The following TRIM33 variants were observed in gnomAD, a reference collection of about 807,000 sequenced individuals.
The protein encoded by TRIM33 is tripartite motif containing 33, also known as E3 ubiquitin-protein ligase TRIM33.
TRIM33 carries 20 observed loss-of-function variants against 125.4 expected under a neutral mutation model. That is an observed-to-expected ratio of 0.16 (90% CI 0.11 to 0.23). TRIM33 has a LOEUF of 0.23. Ranked by LOEUF, TRIM33 falls within the 10% of genes least tolerant of loss-of-function variation. The probability of loss-of-function intolerance (pLI) is 1.00; values close to 1 mark genes in which losing one functional copy is unlikely to be tolerated. For synonymous variants in TRIM33, 564 were observed against 513.9 expected, an observed-to-expected ratio of 1.10 and a Z score of -1.32; for missense variants, 920 against 1,411.4, an observed-to-expected ratio of 0.65 and a Z score of 5.58.
Position 114,510,909 on chromosome 1 carries a change from CTCAGCGCCGGCCCTGCCGCCT to C in TRIM33, c.147_167del (p.Arg52_Gly58del). ...CGTCGTCGGGCCCGGCCGCGCCGCCCTCAGCGCCGGCCCTGCCGCCTTCCTCCTCCTCCTCCTCCACCAGCA... is the reference window on the plus strand; with the variant it reads ...CGTCGTCGGGCCCGGCCGCGCCGCCCTCCTCCTCCTCCTCCTCCACCAGCA... On this transcript the variant is annotated inframe_deletion, in exon 1 of 20. Transcript: ENST00000358465. 1 of 1,423,094 alleles carries C rather than the reference CTCAGCGCCGGCCCTGCCGCCT, an allele frequency of 7.0e-7. No individual in the cohort carries two copies. The highest frequency in any genetic ancestry group is 9.1e-7 in the Non-Finnish European group (1 of 1,095,158). The allele number at this position is 1,423,094 out of a possible 1,614,324, so 88.2% of individuals were successfully genotyped here.
In TRIM33 at chr1:114,405,457, C is replaced by T. The variant is rs774643169; in HGVS notation, c.2721G>A (p.Lys907=). ...GDLLCCEKCP[K]VFHLTCHVPT... ...GAACATGACAAGTTAGATGAAAGAC[C>T]TTTGGACATTTTTCGCAGCACAAGA... Residue 907 remains lysine (K), a synonymous_variant, in exon 15 of 20, where the codon AAG becomes AAA. Coordinates refer to ENST00000358465, the MANE Select transcript of TRIM33 (RefSeq NM_015906.4). The T allele has an allele frequency of 1.2e-6, 2 of 1,614,072 alleles. No individual in the cohort carries two copies. Among genetic ancestry groups the T allele is most frequent in the East Asian group, 4.5e-5 (2 of 44,884 alleles).
Position 114,397,804 on chromosome 1 carries a change from T to C in TRIM33, c.3228A>G (p.Lys1076=), listed in dbSNP as rs1198522895. 1.2e-6 allele frequency: 2 copies of C among 1,612,316 alleles called. No homozygotes were observed. Among genetic ancestry groups the C allele is most frequent in the East Asian group, 2.2e-5 (1 of 44,782 alleles). ...TCCTGTCTGAGTAGATCTCTGTGAG[T>C]TTATCTTCAAAGTACAATGCAACTG... is the stretch of plus-strand genomic sequence containing the variant. ...GKAVALYFED[K]LTEIYSDRTF... is the part of the protein sequence containing the mutation. Residue 1076 remains lysine (K), a synonymous_variant, in exon 20 of 20, where the codon AAA becomes AAG. Coordinates refer to ENST00000358465, the MANE Select transcript of TRIM33 (RefSeq NM_015906.4).
In TRIM33 at chr1:114,394,248, T is replaced by G. The variant is rs1651425322; in HGVS notation, c.*3400A>C. 8.7e-6 allele frequency: 2 copies of G among 229,430 alleles called. No homozygotes were observed. The highest frequency in any genetic ancestry group is 1.1e-4 in the Admixed American group (2 of 17,638). The allele number at this position is 229,430 out of a possible 1,614,324, so 14.2% of individuals were successfully genotyped here. ...ATTTTGACAAGAAATGAGATTTTTA[T>G]ATTTCACATGTTGTACATGAATGGG... On this transcript the variant is annotated 3_prime_UTR_variant, in exon 20 of 20. Transcript: ENST00000358465.
In TRIM33 at chr1:114,420,517, G is replaced by A. The variant is rs974187644; in HGVS notation, c.2061+919C>T. ...AAAGTGATATTAATCCACCATTATT[G>A]TACTTCTGTTTAGATATTCCCATAA... On this transcript the variant is annotated intron_variant, in intron 11 of 19. Coordinates refer to ENST00000358465, the MANE Select transcript of TRIM33 (RefSeq NM_015906.4). 26 of 823,050 alleles carry A rather than the reference G, an allele frequency of 3.2e-5. No homozygotes were observed. The African/African-American group carries it at 3.9e-4, about 12-fold the overall frequency. 51.0% of individuals were successfully genotyped at this position (823,050 alleles called of 1,614,324 possible). A position where few individuals can be genotyped will look rare whatever the true frequency, so the allele number is the denominator to read the frequency against.
intron 1 of TRIM33, among the ~76,000 whole-genome samples, chr1:114,506,092 G>C (rs925470891): frequency 1.8e-4 from 28 of 152,018 alleles, no homozygotes; most frequent in African/African-American, 6.5e-4. Context: ...CTAACTAACA[G>C]CAGAACCGAG....
intron 4 of TRIM33, among the ~76,000 whole-genome samples, chr1:114,439,993 G>A (rs918398697): frequency 1.6e-4 from 25 of 152,104 alleles, no homozygotes; most frequent in Admixed American, 1.5e-3. Flanking sequence ...CTGTGATGAT[G>A]GATTCACAGT....
chr1:114,407,093 A>T lies in TRIM33; in HGVS notation c.2266T>A (p.Ser756Thr). Residue 756 changes from serine (S) to threonine (T), a missense_variant, in exon 14 of 20, where the codon TCA (serine) becomes ACA (threonine). Around this residue, in one of 8 missense-constraint regions of TRIM33, gnomAD observed 407 missense variants for 589.7 expected, o/e 0.69. Transcript: ENST00000358465. ...GTCTTCTCAGCAGTTCTTCCTGATG[A>T]CCCACAGCTAATAAGAAACAACAAA... Reference protein sequence around the residue: ...SSTGSRGSCGSSGRTAEKTSL... With the variant: ...SSTGSRGSCGTSGRTAEKTSL... 2 of 1,611,848 alleles carry T rather than the reference A, an allele frequency of 1.2e-6. No individual in the cohort carries two copies. Among genetic ancestry groups the T allele is most frequent in the Non-Finnish European group, 1.7e-6 (2 of 1,179,252 alleles).
At chr1:114,500,109 G>A (rs74344711) in intron 1 of TRIM33, among the ~76,000 whole-genome samples, 1 of 152,200 alleles carries the variant, frequency 6.6e-6, no homozygotes, top group African/African-American at 2.4e-5. Context: ...GGACGTTGCA[G>A]TGAGCAGAGA....
intron 1 of TRIM33, among the ~76,000 whole-genome samples, chr1:114,501,387 A>C (rs965307887): frequency 1.3e-5 from 2 of 151,970 alleles, no homozygotes; most frequent in Non-Finnish European, 2.9e-5. Context: ...TTTGCAGAAG[A>C]CCTCAATTTT....
intron 1 of TRIM33, among the ~76,000 whole-genome samples, chr1:114,490,554 G>A (rs754565149): frequency 6.6e-6 from 1 of 152,080 alleles, no homozygotes; most frequent in Non-Finnish European, 1.5e-5. Context: ...CAAGAGAAAT[G>A]AAAACATATG....
At chr1:114,438,306 C>A (rs909236035) in intron 4 of TRIM33, among the ~76,000 whole-genome samples, 2 of 152,100 alleles carry the variant, frequency 1.3e-5, no homozygotes, top group Non-Finnish European at 2.9e-5. Flanking sequence ...TAATAAAACC[C>A]AGTTTCATTT....
rs1052748923 is a variant in TRIM33, at chr1:114,471,630, A to G, written c.527-7242T>C. On this transcript the variant is annotated intron_variant, in intron 1 of 19. Transcript: ENST00000358465. ...ACATACAGCAGCAACTGCAAAAAAC[A>G]AAACAAAACAAAAAGGTAAAACAAA... is the stretch of plus-strand genomic sequence containing the variant. Among the ~76,000 whole-genome samples, 14 of 152,216 alleles carry G rather than the reference A, an allele frequency of 9.2e-5. No individual in the cohort carries two copies. In the East Asian group the frequency reaches 1.5e-3, roughly 17 times the overall value.
At chr1:114,457,125 A>G (rs1649673946) in intron 4 of TRIM33, among the ~76,000 whole-genome samples, 2 of 152,162 alleles carry the variant, frequency 1.3e-5, no homozygotes, top group Admixed American at 1.3e-4. Context: ...AACTCCCAAA[A>G]AGAGGCCTAC....
Position 114,510,915 on chromosome 1 carries a change from G to C in TRIM33, c.162C>G (p.Gly54=), listed in dbSNP as rs1256964826. ...CGGGCCCGGCCGCGCCGCCCTCAGCGCCGGCCCTGCCGCCTTCCTCCTCCT... is the reference window on the plus strand; with the variant it reads ...CGGGCCCGGCCGCGCCGCCCTCAGCCCCGGCCCTGCCGCCTTCCTCCTCCT... ...EEEEEEGGRA[G]AEGGAAGPDD... is the part of the protein sequence containing the mutation. Residue 54 remains glycine, a synonymous_variant, in exon 1 of 20, where the codon GGC becomes GGG. Transcript: ENST00000358465. 3.5e-6 allele frequency: 5 copies of C among 1,417,312 alleles called. No homozygotes were observed. The East Asian group carries it at 1.2e-4, about 34-fold the overall frequency. 87.8% of individuals were successfully genotyped at this position (1,417,312 alleles called of 1,614,324 possible). A position where few individuals can be genotyped will look rare whatever the true frequency, so the allele number is the denominator to read the frequency against.
intron 8 of TRIM33, among the ~76,000 whole-genome samples, chr1:114,426,522 TAA>T (rs67267317): frequency 1.9e-3 from 276 of 143,574 alleles, no homozygotes; most frequent in Middle Eastern, 7.1e-3. Context: ...TTTTTTTTTT[TAA>T]AAAAAAAGGG....
chr1:114,475,630 C>T (rs1296759496), intron 1 of TRIM33, among the ~76,000 whole-genome samples: 2 of 152,096 alleles, frequency 1.3e-5, no homozygotes, highest in East Asian at 1.9e-4. Flanking sequence ...TGCAGTGAGC[C>T]GAGATGGCGC....
At chr1:114,487,469 G>GA (rs1324926091) in intron 1 of TRIM33, among the ~76,000 whole-genome samples, 2 of 151,148 alleles carry the variant, frequency 1.3e-5, no homozygotes, top group Non-Finnish European at 2.9e-5. Context: ...ATTCTCAGAT[G>GA]AAAAAATATA....
intron 15 of TRIM33, among the ~76,000 whole-genome samples, chr1:114,403,585 G>C (rs182884948): frequency 3.2e-4 from 49 of 151,968 alleles, no homozygotes; most frequent in Middle Eastern, 3.4e-3. Context: ...CTCCAGGCTG[G>C]AGTACACAGT....
chr1:114,449,538 G>GGT (rs1181266159), intron 4 of TRIM33, among the ~76,000 whole-genome samples: 1 of 152,124 alleles, frequency 6.6e-6, no homozygotes, highest in African/African-American at 2.4e-5. Flanking sequence ...TGCAAATGGT[G>GGT]GTGGTAATGA....
Sources: allele counts gnomAD v4.1 joint callset (sites outside exome capture counted in the v4.1 genomes callset), GRCh38; gene constraint gnomAD v4.1.1; regional missense constraint gnomAD v4.1.1; transcripts MANE v1.5; gene names NCBI Gene and HGNC (gene_info 2026-07-23, HGNC 2026-07-21).